The following GLRA3 variants were observed in gnomAD, a reference collection of about 807,000 sequenced individuals.
The protein encoded by GLRA3 is glycine receptor subunit alpha-3.
GLRA3 carries 44 observed loss-of-function variants against 60.4 expected under a neutral mutation model. That is an observed-to-expected ratio of 0.73 (90% CI 0.57 to 0.94). The LOEUF is 0.94. GLRA3 is among the 40% of genes least tolerant of loss of function. The pLI is 0.00. For synonymous variants in GLRA3, 223 were observed against 192.9 expected (o/e 1.16, Z -1.29); for missense variants, 508 against 564.6 (o/e 0.90, Z 1.02).
rs749670176 is a variant in GLRA3, at chr4:174,828,842, T to C, written c.-31A>G. On this transcript the variant is annotated 5_prime_UTR_variant, in exon 1 of 10. Coordinates refer to ENST00000274093, the MANE Select transcript of GLRA3 (RefSeq NM_006529.4). ...GGAGAGATATTCACGATCCTGAAAA[T>C]AGTCTTATCCAAGGCATGGGGAACC... 1.4e-6 allele frequency: 2 copies of C among 1,436,846 alleles called. No individual in the cohort carries two copies. The highest frequency in any genetic ancestry group is 2.3e-5 in the East Asian group (1 of 43,960). 89.0% of individuals were successfully genotyped at this position (1,436,846 alleles called of 1,614,324 possible).
intron 1 of GLRA3, among the ~76,000 whole-genome samples, chr4:174,802,905 G>T (rs1485938): frequency 0.12 from 17,678 of 151,980 alleles, 1,154 homozygotes; most frequent in Non-Finnish European, 0.14. Flanking sequence ...ACATAAATTA[G>T]TGCTTATTAG....
chr4:174,682,980 G>T, intron 5 of GLRA3, 41 bp from the exon 6 acceptor site: 9 of 1,528,034 alleles, frequency 5.9e-6, no homozygotes, highest in Non-Finnish European at 8.1e-6. Flanking sequence ...TCTAAAAAGG[G>T]CATTCAAAGA....
At chr4:174,656,621 A>G in intron 9 of GLRA3, 122 bp downstream of exon 9, 1 of 538,928 alleles carries the variant, frequency 1.9e-6, no homozygotes, top group Non-Finnish European at 3.5e-6. Context: ...ATATTTGCTC[A>G]GCTTTCAATA....
At chr4:174,758,316 TAA>T (rs1226013780) in intron 3 of GLRA3, among the ~76,000 whole-genome samples, 1 of 152,028 alleles carries the variant, frequency 6.6e-6, no homozygotes, top group Non-Finnish European at 1.5e-5. Context: ...TATTCAATAA[TAA>T]GTCATATTGA....
intron 2 of GLRA3, among the ~76,000 whole-genome samples, chr4:174,771,574 G>A (rs1241072910): frequency 6.6e-6 from 1 of 151,990 alleles, no homozygotes; most frequent in African/African-American, 2.4e-5. Context: ...TCAGTATTGG[G>A]TTAATTCACC....
intron 4 of GLRA3, among the ~76,000 whole-genome samples, chr4:174,720,801 T>G (rs1373917361): frequency 6.6e-6 from 1 of 152,138 alleles, no homozygotes; most frequent in African/African-American, 2.4e-5. Flanking sequence ...GGAAACAAAC[T>G]CTAGTTTTCC....
intron 2 of GLRA3, among the ~76,000 whole-genome samples, chr4:174,778,818 C>A (rs1738724659): frequency 6.6e-6 from 1 of 152,176 alleles, no homozygotes; most frequent in South Asian, 2.1e-4. Context: ...CTTGGAGGGT[C>A]CTACCCCACG....
chr4:174,663,810 A>T (rs1733553584), intron 7 of GLRA3, among the ~76,000 whole-genome samples: 1 of 152,122 alleles, frequency 6.6e-6, no homozygotes, highest in African/African-American at 2.4e-5. Context: ...ATTCAGAGTC[A>T]TTACCTTCTT....
At chr4:174,714,419 C>T (rs1177147913) in intron 5 of GLRA3, among the ~76,000 whole-genome samples, 1 of 152,140 alleles carries the variant, frequency 6.6e-6, no homozygotes, top group Non-Finnish European at 1.5e-5. Context: ...CTCTCATTTA[C>T]GTTAGTACTT....
At chr4:174,707,549 G>A (rs748219706) in intron 5 of GLRA3, among the ~76,000 whole-genome samples, 3 of 151,974 alleles carry the variant, frequency 2.0e-5, no homozygotes, top group Admixed American at 6.6e-5. Context: ...CTGCAGTCTC[G>A]GTTTAGGCCA....
chr4:174,756,334 C>G (rs1266559109), intron 3 of GLRA3, among the ~76,000 whole-genome samples: 1 of 152,104 alleles, frequency 6.6e-6, no homozygotes, highest in Admixed American at 6.6e-5. Flanking sequence ...AAAGTTAACA[C>G]AGTAGCAAAT....
intron 2 of GLRA3, among the ~76,000 whole-genome samples, chr4:174,788,181 T>C (rs1050391046): frequency 2.4e-4 from 37 of 152,106 alleles, no homozygotes; most frequent in African/African-American, 8.9e-4. Flanking sequence ...TTACAGGATA[T>C]ATTGTGGTTC....
chr4:174,715,714 A>G, intron 4 of GLRA3, 144 bp from the exon 5 acceptor site: 1 of 514,030 alleles, frequency 1.9e-6, no homozygotes, highest in Non-Finnish European at 3.6e-6. Context: ...TACTTACTAT[A>G]AAATAGCTAT....
chr4:174,644,278 G>A (rs1463180521), intron 9 of GLRA3, among the ~76,000 whole-genome samples: 1 of 151,688 alleles, frequency 6.6e-6, no homozygotes, highest in African/African-American at 2.4e-5. Context: ...ATTAATAAAT[G>A]TGAAATCCCA....
chr4:174,659,690 G>C (rs925361469), intron 7 of GLRA3, among the ~76,000 whole-genome samples: 20 of 152,066 alleles, frequency 1.3e-4, no homozygotes, highest in Non-Finnish European at 2.8e-4. Context: ...AGTGCAAAGA[G>C]GTCAGGCTCA....
At chr4:174,707,109 A>G (rs1352554419) in intron 5 of GLRA3, among the ~76,000 whole-genome samples, 1 of 152,218 alleles carries the variant, frequency 6.6e-6, no homozygotes, top group East Asian at 1.9e-4. Context: ...TGAAATGGAT[A>G]TCCATTTAAG....
At chr4:174,773,162 A>G (rs1738459504) in intron 2 of GLRA3, among the ~76,000 whole-genome samples, 4 of 152,170 alleles carry the variant, frequency 2.6e-5, no homozygotes, top group Admixed American at 6.6e-5. Context: ...TATCTATCCA[A>G]TACACTCCTA....
chr4:174,680,304 A>T (rs1243490216), intron 6 of GLRA3, among the ~76,000 whole-genome samples: 1 of 152,204 alleles, frequency 6.6e-6, no homozygotes, highest in Non-Finnish European at 1.5e-5. Flanking sequence ...TCCATCACTT[A>T]TGCATGGCAG....
intron 9 of GLRA3, among the ~76,000 whole-genome samples, chr4:174,650,522 A>G (rs1732988234): frequency 6.6e-6 from 1 of 152,182 alleles, no homozygotes; most frequent in African/African-American, 2.4e-5. Flanking sequence ...TACATGAATG[A>G]CAGCTACTGA....
Sources: gnomAD v4.1 joint callset for allele counts (sites outside exome capture counted in the v4.1 genomes callset) on GRCh38, gnomAD v4.1.1 for gene constraint, MANE v1.5 for transcripts, NCBI Gene and HGNC (gene_info 2026-07-23, HGNC 2026-07-21) for gene names.